FGGY: variants seen among roughly 807,000 people sequenced by gnomAD.
FGGY encodes FGGY carbohydrate kinase domain-containing protein.
FGGY carries 72 observed loss-of-function variants against 71.3 expected under a neutral mutation model. The observed-to-expected ratio is 1.01, with a 90% confidence interval of 0.84 to 1.23. The LOEUF (loss-of-function observed/expected upper bound fraction) is 1.23. Among genes scored for constraint, FGGY ranks in the 50% most tolerant of loss-of-function variants. The pLI, the probability that FGGY is intolerant of heterozygous loss-of-function variation, is 0.00. For missense variants in FGGY, 668 were observed against 682.3 expected (o/e 0.98, Z 0.23); for synonymous variants, 251 against 250.3 (o/e 1.00, Z -0.02).
chr1:59,675,238 G>A (rs1364288655), intron 14 of FGGY, among the ~76,000 whole-genome samples: 4 of 152,120 alleles, frequency 2.6e-5, no homozygotes, highest in African/African-American at 9.7e-5. Context: ...AGGACTACAA[G>A]CCAGGTATCT....
chr1:59,581,258 T>G (rs1375079584), intron 8 of FGGY, among the ~76,000 whole-genome samples: 4 of 150,068 alleles, frequency 2.7e-5, no homozygotes, highest in African/African-American at 1.0e-4. Flanking sequence ...CTTTCCTATT[T>G]TTATTCCCTG....
chr1:59,385,241 T>C (rs190469024), intron 5 of FGGY, among the ~76,000 whole-genome samples: 1 of 152,294 alleles, frequency 6.6e-6, no homozygotes, highest in Admixed American at 6.5e-5. Flanking sequence ...CTCCGAAATA[T>C]GGCAGCTACT....
chr1:59,517,424 C>T (rs1181654070), intron 7 of FGGY, among the ~76,000 whole-genome samples: 1 of 151,654 alleles, frequency 6.6e-6, no homozygotes, highest in Non-Finnish European at 1.5e-5. Context: ...CGCCACTATG[C>T]CCGGCTAATT....
intron 4 of FGGY, among the ~76,000 whole-genome samples, chr1:59,360,579 TA>T (rs1239575624): frequency 6.6e-6 from 1 of 152,182 alleles, no homozygotes; most frequent in Non-Finnish European, 1.5e-5. Context: ...GTTTTCTGTC[TA>T]AAAAATTGTG....
intron 6 of FGGY, among the ~76,000 whole-genome samples, chr1:59,482,439 A>G (rs1272214611): frequency 6.6e-6 from 1 of 152,086 alleles, no homozygotes; most frequent in Non-Finnish European, 1.5e-5. Context: ...TTTTTGCCGC[A>G]GCAAAAATGA....
chr1:59,390,113 AT>A (rs2060523293), intron 5 of FGGY, among the ~76,000 whole-genome samples: 1 of 152,096 alleles, frequency 6.6e-6, no homozygotes, highest in Non-Finnish European at 1.5e-5. Context: ...TCACCAGCTT[AT>A]TTTTTAGTAT....
chr1:59,558,424 AC>A (rs986868073), intron 8 of FGGY, among the ~76,000 whole-genome samples: 9 of 152,278 alleles, frequency 5.9e-5, no homozygotes, highest in African/African-American at 2.2e-4. Context: ...GCTGGGGGTG[AC>A]ATCACATATC....
chr1:59,631,047 A>T (rs146931495), intron 10 of FGGY, among the ~76,000 whole-genome samples: 1 of 152,146 alleles, frequency 6.6e-6, no homozygotes, highest in Admixed American at 6.5e-5. Flanking sequence ...TGCTAAGTCC[A>T]TAGGATGTTT....
intron 5 of FGGY, among the ~76,000 whole-genome samples, chr1:59,414,332 G>A (rs1411039344): frequency 6.6e-6 from 1 of 152,152 alleles, no homozygotes; most frequent in Non-Finnish European, 1.5e-5. Context: ...CCAGGTTCTT[G>A]TTACCTGGAA....
chr1:59,687,276 A>T (rs1474280647), intron 14 of FGGY, among the ~76,000 whole-genome samples: 1 of 152,024 alleles, frequency 6.6e-6, no homozygotes, highest in Admixed American at 6.6e-5. Context: ...CTCAGATCCC[A>T]GTTCTGGCCA....
intron 8 of FGGY, among the ~76,000 whole-genome samples, chr1:59,599,745 A>G (rs899198404): frequency 6.6e-5 from 10 of 150,820 alleles, no homozygotes; most frequent in African/African-American, 2.4e-4. Context: ...AGCGAGAGGG[A>G]GTGCCCTCTA....
chr1:59,730,372 T>C (rs1466083546), intron 14 of FGGY, among the ~76,000 whole-genome samples: 5 of 151,760 alleles, frequency 3.3e-5, no homozygotes, highest in Non-Finnish European at 1.5e-5. Flanking sequence ...ATGTTGGAGC[T>C]ATAACCACAA....
chr1:59,560,495 C>T (rs2095770435), intron 8 of FGGY, among the ~76,000 whole-genome samples: 1 of 152,082 alleles, frequency 6.6e-6, no homozygotes, highest in South Asian at 2.1e-4. Flanking sequence ...ATATACTTGA[C>T]AAGATAGTAA....
intron 7 of FGGY, among the ~76,000 whole-genome samples, chr1:59,525,451 G>A (rs1385429078): frequency 6.6e-6 from 1 of 152,206 alleles, no homozygotes; most frequent in Non-Finnish European, 1.5e-5. Flanking sequence ...TCATGCCTCA[G>A]TTCCCCCATC....
At chr1:59,605,466 C>T (rs1458192259) in intron 8 of FGGY, among the ~76,000 whole-genome samples, 2 of 152,132 alleles carry the variant, frequency 1.3e-5, no homozygotes, top group African/African-American at 4.8e-5. Context: ...GTGCCTGGCA[C>T]AGACCTGGAC....
intron 5 of FGGY, among the ~76,000 whole-genome samples, chr1:59,431,301 A>G (rs1267082683): frequency 1.3e-5 from 2 of 152,238 alleles, no homozygotes; most frequent in African/African-American, 4.8e-5. Context: ...TATAAGGAAT[A>G]TAAGGTCCAA....
intron 14 of FGGY, among the ~76,000 whole-genome samples, chr1:59,684,332 AT>A (rs1558791121): frequency 6.6e-6 from 1 of 151,974 alleles, no homozygotes; most frequent in Non-Finnish European, 1.5e-5. Context: ...GAAAGATTCC[AT>A]TGCAATTACT....
intron 12 of FGGY, among the ~76,000 whole-genome samples, chr1:59,663,000 TC>T (rs1175231467): frequency 1.3e-5 from 2 of 151,532 alleles, no homozygotes; most frequent in Non-Finnish European, 2.9e-5. Flanking sequence ...GGTGTGATAT[TC>T]CCCCTTTTGA....
rs186090782 is a variant in FGGY at position 59,332,174 on chromosome 1, C to T, written c.202-7784C>T. 3 of 152,182 alleles carry T rather than the reference C, an allele frequency of 2.0e-5. No individual in the cohort carries two copies. The East Asian group carries it at 5.8e-4, about 29-fold the overall frequency. The allele number at this position is 152,182 out of a possible 1,614,324, so 9.4% of individuals were successfully genotyped here. A position where few individuals can be genotyped will look rare whatever the true frequency, so the allele number is the denominator to read the frequency against. On this transcript the variant is annotated intron_variant, in intron 2 of 15. Coordinates refer to ENST00000303721, the MANE Select transcript of FGGY (RefSeq NM_018291.5). ...CAATAAGAAGAAAGTGATACACAAT[C>T]CCTTCCCCAAATATTTGTTTGCTGC...
Sources: allele counts gnomAD v4.1 joint callset (sites outside exome capture counted in the v4.1 genomes callset), GRCh38; gene constraint gnomAD v4.1.1; transcripts MANE v1.5; gene names NCBI Gene and HGNC (gene_info 2026-07-23, HGNC 2026-07-21).